The following PDE1C variants were observed in gnomAD, a reference collection of about 807,000 sequenced individuals.
The protein encoded by PDE1C is dual specificity calcium/calmodulin-dependent 3',5'-cyclic nucleotide phosphodiesterase 1C.
In PDE1C, 62 loss-of-function variants were observed where a neutral mutation model predicts 93.1. The observed-to-expected ratio is 0.67, with a 90% CI of 0.54 to 0.82. The LOEUF is 0.82. Ranked by LOEUF, PDE1C falls within the 40% of genes least tolerant of loss-of-function variation. The probability of loss-of-function intolerance (pLI) is 0.00; values close to 1 mark genes in which losing one functional copy is unlikely to be tolerated. For missense variants in PDE1C, 742 were observed against 884.6 expected (o/e 0.84, Z 2.04); for synonymous variants, 325 against 310.1 (o/e 1.05, Z -0.50).
chr7:32,322,877 G>A (rs1444160821), intron 1 of PDE1C, among the ~76,000 whole-genome samples: 1 of 152,070 alleles, frequency 6.6e-6, no homozygotes, highest in Admixed American at 6.6e-5. Context: ...CTCCCAAAGT[G>A]CTGGGATTAC....
chr7:31,808,103 T>C (rs1285471925), intron 16 of PDE1C: 1 of 393,176 alleles, frequency 2.5e-6, no homozygotes, highest in Non-Finnish European at 4.8e-6. Flanking sequence ...CTGCTTCCTT[T>C]ATAATAGATG....
At chr7:31,749,572 G>A (rs7787167), downstream of PDE1C, among the ~76,000 whole-genome samples, 114,273 of 151,782 alleles carry the variant, frequency 0.75, 47,829 homozygotes, top group Non-Finnish European at 0.92. Context: ...GTGAGAAGTG[G>A]ACCATGCTGC....
chr7:32,156,113 C>G (rs961975957), intron 3 of PDE1C, among the ~76,000 whole-genome samples: 1 of 152,136 alleles, frequency 6.6e-6, no homozygotes, highest in Non-Finnish European at 1.5e-5. Context: ...ACATTGTTTT[C>G]TTTTCATTTT....
chr7:32,217,609 G>A (rs1443229818), intron 1 of PDE1C, among the ~76,000 whole-genome samples: 1 of 152,204 alleles, frequency 6.6e-6, no homozygotes, highest in Non-Finnish European at 1.5e-5. Flanking sequence ...TTAGCAAGAT[G>A]TGTTTGTGAC....
chr7:32,285,592 T>C (rs1156458592), intron 1 of PDE1C, among the ~76,000 whole-genome samples: 1 of 151,914 alleles, frequency 6.6e-6, no homozygotes, highest in Non-Finnish European at 1.5e-5. Flanking sequence ...AATTGTACTC[T>C]TAAAATGGGT....
chr7:31,920,487 TG>T, intron 2 of PDE1C, among the ~76,000 whole-genome samples: 1 of 152,216 alleles, frequency 6.6e-6, no homozygotes, highest in East Asian at 1.9e-4. Flanking sequence ...AGAACTCTCC[TG>T]AGATAGTAAA....
intron 2 of PDE1C, among the ~76,000 whole-genome samples, chr7:31,982,656 G>T (rs933399427): frequency 3.3e-5 from 5 of 151,798 alleles, no homozygotes; most frequent in African/African-American, 1.2e-4. Context: ...TGAATAAAAC[G>T]CAAAAAGTGC....
chr7:31,646,923 T>G, the PDE1C span, among the ~76,000 whole-genome samples: 2 of 152,226 alleles, frequency 1.3e-5, no homozygotes, highest in East Asian at 3.8e-4. Context: ...ATCATACACC[T>G]GCTGAAATGG....
At chr7:31,709,489 A>G in the PDE1C span, among the ~76,000 whole-genome samples, 43 of 152,204 alleles carry the variant, frequency 2.8e-4, no homozygotes, top group Non-Finnish European at 4.6e-4. Flanking sequence ...TCTATTGCCA[A>G]ATCCCCATTG....
intron 3 of PDE1C, among the ~76,000 whole-genome samples, chr7:32,088,117 T>C (rs1018936810): frequency 9.2e-5 from 14 of 152,154 alleles, no homozygotes; most frequent in Admixed American, 3.3e-4. Flanking sequence ...ATTTCAATGA[T>C]AGCCTACCTT....
intron 1 of PDE1C, among the ~76,000 whole-genome samples, chr7:32,241,122 A>G (rs1808514168): frequency 6.6e-6 from 1 of 152,212 alleles, no homozygotes; most frequent in African/African-American, 2.4e-5. Flanking sequence ...TGAGAGTCCT[A>G]TTAGAATTCC....
chr7:31,972,850 G>A (rs1220972663), intron 2 of PDE1C, among the ~76,000 whole-genome samples: 2 of 152,102 alleles, frequency 1.3e-5, no homozygotes, highest in Non-Finnish European at 2.9e-5. Context: ...GCAGCCCGAG[G>A]AAGCACTCTC....
the PDE1C span, among the ~76,000 whole-genome samples, chr7:31,733,772 G>T: frequency 6.6e-6 from 1 of 152,066 alleles, no homozygotes; most frequent in African/African-American, 2.4e-5. Context: ...AGGAGGGTGG[G>T]TCAACCTGAG....
intron 3 of PDE1C, among the ~76,000 whole-genome samples, chr7:32,142,501 T>C (rs180906326): frequency 6.6e-6 from 1 of 152,172 alleles, no homozygotes; most frequent in Admixed American, 6.5e-5. Context: ...TCCCACTTTC[T>C]TGTCCAGGGC....
chr7:31,843,747 C>T (rs559439742), intron 9 of PDE1C, among the ~76,000 whole-genome samples: 30 of 151,694 alleles, frequency 2.0e-4, no homozygotes, highest in Admixed American at 7.2e-4. Context: ...ATCACCTTTG[C>T]TTTTTTCCCT....
intron 2 of PDE1C, among the ~76,000 whole-genome samples, chr7:31,991,601 G>T (rs1184016682): frequency 6.6e-6 from 1 of 152,226 alleles, no homozygotes; most frequent in African/African-American, 2.4e-5. Flanking sequence ...CCGAGCAGGT[G>T]CTCAGTAAAT....
At chr7:32,199,296 A>G (rs1490334110) in intron 2 of PDE1C, among the ~76,000 whole-genome samples, 1 of 152,140 alleles carries the variant, frequency 6.6e-6, no homozygotes, top group African/African-American at 2.4e-5. Flanking sequence ...GAAACTGGGT[A>G]CAATTCATTA....
intron 1 of PDE1C, among the ~76,000 whole-genome samples, chr7:32,337,239 A>C (rs215659): frequency 0.95 from 145,129 of 152,200 alleles, 69,380 homozygotes; most frequent in East Asian, 1. Context: ...CTTACTAGGG[A>C]CCATAGACAC....
chr7:32,266,830 C>T (rs914537114), intron 1 of PDE1C, among the ~76,000 whole-genome samples: 14 of 138,558 alleles, frequency 1.0e-4, no homozygotes, highest in African/African-American at 3.8e-4. Flanking sequence ...GTCTTAGCCT[C>T]GGTCCTCAGA....
Sources: gnomAD v4.1 joint callset for allele counts (sites outside exome capture counted in the v4.1 genomes callset) on GRCh38, gnomAD v4.1.1 for gene constraint, MANE v1.5 for transcripts, NCBI Gene and HGNC (gene_info 2026-07-23, HGNC 2026-07-21) for gene names.